Variants in CUL3 observed in about 807,000 individuals in gnomAD.
The protein encoded by CUL3 is cullin-3.
A neutral mutation model predicts 89.1 loss-of-function variants in CUL3; 19 were observed. The observed-to-expected ratio is 0.21, with a 90% CI of 0.15 to 0.31. The LOEUF is 0.31. Among genes scored for constraint, CUL3 ranks in the 10% least tolerant of loss-of-function variants. The probability of loss-of-function intolerance (pLI) is 1.00; values close to 1 mark genes in which losing one functional copy is unlikely to be tolerated. For missense variants in CUL3, 469 were observed against 942.3 expected (o/e 0.50, Z 6.58); for synonymous variants, 351 against 308.4 (o/e 1.14, Z -1.45).
chr2:224,524,049 G>C (rs1216926556), intron 3 of CUL3, among the ~76,000 whole-genome samples: 1 of 151,822 alleles, frequency 6.6e-6, no homozygotes, highest in Non-Finnish European at 1.5e-5. Context: ...CACACTTAAG[G>C]GTAAGATGGT....
At chr2:224,513,719 A>G (rs1692927569) in intron 4 of CUL3, 81 bp from the exon 5 acceptor site, 12 of 946,414 alleles carry the variant, frequency 1.3e-5, no homozygotes, top group Non-Finnish European at 1.9e-5. Context: ...GAGTAGGTAA[A>G]AATATCTTCA....
intron 1 of CUL3, among the ~76,000 whole-genome samples, chr2:224,583,165 G>C (rs1280079456): frequency 1.3e-5 from 2 of 152,138 alleles, no homozygotes; most frequent in African/African-American, 4.8e-5. Context: ...ATCACCTGAG[G>C]TCGGGAGTTC....
At chr2:224,543,809 C>G (rs530260657) in intron 2 of CUL3, among the ~76,000 whole-genome samples, 2 of 152,020 alleles carry the variant, frequency 1.3e-5, no homozygotes, top group Admixed American at 1.3e-4. Context: ...CATGGCAAAA[C>G]CTCATCTCCA....
At chr2:224,499,062 C>T (rs570466853) in intron 11 of CUL3, among the ~76,000 whole-genome samples, 7 of 152,166 alleles carry the variant, frequency 4.6e-5, no homozygotes, top group African/African-American at 9.7e-5. Context: ...TTTAAAAATA[C>T]GTATCTCCTG....
chr2:224,553,959 A>G (rs1694609633), intron 2 of CUL3, among the ~76,000 whole-genome samples: 1 of 152,186 alleles, frequency 6.6e-6, no homozygotes, highest in Admixed American at 6.5e-5. Flanking sequence ...CAGAGTTCTC[A>G]TGGAGTGACT....
chr2:224,506,785 G>A (rs1471036247), intron 7 of CUL3, 73 bp downstream of exon 7: 2 of 1,331,948 alleles, frequency 1.5e-6, no homozygotes, highest in African/African-American at 1.5e-5. Context: ...ACACAGCATG[G>A]TAAAAGTGGC....
intron 1 of CUL3, among the ~76,000 whole-genome samples, chr2:224,574,915 T>C (rs967663341): frequency 6.6e-6 from 1 of 152,174 alleles, no homozygotes; most frequent in African/African-American, 2.4e-5. Flanking sequence ...ATCAAAGTCA[T>C]AAAAAAGACT....
intron 9 of CUL3, 113 bp from the exon 10 acceptor site, chr2:224,503,185 A>G: frequency 2.6e-6 from 2 of 759,716 alleles, no homozygotes; most frequent in Non-Finnish European, 2.2e-6. Context: ...TCTTCCTGTA[A>G]ATTTTTCCAA....
chr2:224,527,926 C>T lies in CUL3; in HGVS notation c.378+7602G>A, dbSNP rs146221455. 5.8e-3 allele frequency among the ~76,000 whole-genome samples: 885 copies of T among 152,304 alleles called. 2 individuals are homozygous for T. Among genetic ancestry groups the T allele is most frequent in the Non-Finnish European group, 8.6e-3 (588 of 68,024 alleles). On this transcript the variant is annotated intron_variant, in intron 3 of 15. Transcript: ENST00000264414. ...CAGTGGGTTTTCCTTATTTTGAACA[C>T]TCTTCTCTGAGGCTAAGTACCCTGG...
intron 1 of CUL3, among the ~76,000 whole-genome samples, chr2:224,583,710 T>C (rs1351083624): frequency 6.6e-6 from 1 of 152,218 alleles, no homozygotes; most frequent in Non-Finnish European, 1.5e-5. Flanking sequence ...CTGCATGAGG[T>C]GTATCCTTTT....
At chr2:224,489,964 G>A (rs1056453411) in intron 13 of CUL3, among the ~76,000 whole-genome samples, 1 of 152,118 alleles carries the variant, frequency 6.6e-6, no homozygotes, top group Admixed American at 6.5e-5. Context: ...ATCTGACAAA[G>A]GTCTAATATC....
At chr2:224,566,204 A>C (rs1356015460) in intron 1 of CUL3, among the ~76,000 whole-genome samples, 1 of 152,200 alleles carries the variant, frequency 6.6e-6, no homozygotes, top group African/African-American at 2.4e-5. Flanking sequence ...ACTAAAAGGC[A>C]ATCCCTTACT....
intron 1 of CUL3, 126 bp downstream of exon 1, chr2:224,584,818 G>T: frequency 3.9e-6 from 2 of 517,522 alleles, no homozygotes; most frequent in Non-Finnish European, 2.6e-6. Flanking sequence ...CGCGCCCCGC[G>T]GCCGGCGGGC....
Position 224,478,224 on chromosome 2 carries a change from C to T in CUL3, c.2151G>A (p.Met717Ile), listed in dbSNP as rs2106142617. 1 of 1,613,244 alleles carries T rather than the reference C, an allele frequency of 6.2e-7. No homozygotes were observed. The highest frequency in any genetic ancestry group is 8.5e-7 in the Non-Finnish European group (1 of 1,179,482). The change falls in exon 15 of 16, where the codon ATG becomes ATA. Residue 717 changes from methionine to isoleucine, a missense_variant. Met to Ile is a conservative substitution (Grantham distance 10). This residue lies in a region of CUL3 where 65 missense variants were observed against 147.8 expected (regional missense o/e 0.44). Transcript: ENST00000264414. ...IVRIMKSRKK[M>I]QHNVLVAEVT... ...CCTCCGCTACTAGAACATTGTGCTG[C>T]ATCTTCTTTCTAGATTTCATTATCC... is the stretch of plus-strand genomic sequence containing the variant.
At chr2:224,533,697 C>T (rs1693778604) in intron 3 of CUL3, among the ~76,000 whole-genome samples, 2 of 152,076 alleles carry the variant, frequency 1.3e-5, no homozygotes, top group South Asian at 4.1e-4. Flanking sequence ...AATTTATATG[C>T]CAGATAATAT....
At chr2:224,508,919 A>T (rs897790603) in intron 6 of CUL3, among the ~76,000 whole-genome samples, 2 of 140,778 alleles carry the variant, frequency 1.4e-5, no homozygotes, top group Admixed American at 7.7e-5. Context: ...CTGAGATCCC[A>T]CCACTGCACT....
chr2:224,495,867 T>A lies in CUL3; in HGVS notation c.1807A>T (p.Met603Leu), dbSNP rs2106179685. 6.2e-7 allele frequency: 1 copy of A among 1,612,808 alleles called. No individual in the cohort carries two copies. ...TATTTTTCTCTATTATTAAAGAGCA[T>A]TAATATGGTCATCTGGAAAGTGGAA... The part of the protein sequence containing the change: ...QVSTFQMTIL[M>L]LFNNREKYTF... The change falls in exon 13 of 16, where the codon ATG becomes TTG. Residue 603 changes from methionine (M) to leucine (L), a missense_variant. By Grantham distance (15) the Met-to-Leu change is conservative (BLOSUM62 2). This residue lies in a region of CUL3 where 370 missense variants were observed against 733.2 expected (regional missense o/e 0.50). Transcript: ENST00000264414.
chr2:224,492,422 T>C (rs1206808204), intron 13 of CUL3, among the ~76,000 whole-genome samples: 1 of 152,198 alleles, frequency 6.6e-6, no homozygotes, highest in African/African-American at 2.4e-5. Flanking sequence ...ATTCTGACAT[T>C]AATAGTGCTA....
In CUL3 at chr2:224,474,152, G is replaced by T; in HGVS notation, c.*93C>A. 1 of 1,294,234 alleles carries T rather than the reference G, an allele frequency of 7.7e-7. No individual in the cohort carries two copies. The highest frequency in any genetic ancestry group is 1.5e-5 in the South Asian group (1 of 67,896). The allele number at this position is 1,294,234 out of a possible 1,614,324, so 80.2% of individuals were successfully genotyped here. A position where few individuals can be genotyped will look rare whatever the true frequency, so the allele number is the denominator to read the frequency against. ...GAACATGTACTGTAATTTAATAGAA[G>T]AGATGGTCGTCTTAATATTTAATGA... On this transcript the variant is annotated 3_prime_UTR_variant, in exon 16 of 16. Coordinates refer to ENST00000264414, the MANE Select transcript of CUL3 (RefSeq NM_003590.5).
Sources: gnomAD v4.1 joint callset for allele counts (sites outside exome capture counted in the v4.1 genomes callset) on GRCh38, gnomAD v4.1.1 for gene constraint, gnomAD v4.1.1 regional missense constraint, MANE v1.5 for transcripts, NCBI Gene and HGNC (gene_info 2026-07-23, HGNC 2026-07-21) for gene names.